The following KATNB1 variants were observed in gnomAD, a reference collection of about 807,000 sequenced individuals.
KATNB1 encodes katanin p80 WD40 repeat-containing subunit B1.
In KATNB1, 38 loss-of-function variants were observed where a neutral mutation model predicts 82.3. The ratio of observed to expected loss-of-function variants is 0.46; its 90% CI spans 0.36 to 0.61. The LOEUF is 0.61. Among genes scored for constraint, KATNB1 ranks in the 20% least tolerant of loss-of-function variants. The pLI, the probability that KATNB1 is intolerant of heterozygous loss-of-function variation, is 0.00. For missense variants in KATNB1, 749 were observed against 915.7 expected (o/e 0.82, Z 2.35); for synonymous variants, 361 against 368.7 (o/e 0.98, Z 0.24).
At chr16:57,755,021 T>C (rs1555585156) in intron 14 of KATNB1, 24 bp downstream of exon 14, 2 of 1,613,812 alleles carry the variant, frequency 1.2e-6, no homozygotes, top group Non-Finnish European at 8.5e-7. Flanking sequence ...GGGAGCATGG[T>C]GTGGGGCCTA....
At chr16:57,756,259 T>C in intron 18 of KATNB1, 97 bp from the exon 19 acceptor site, 1 of 1,193,930 alleles carries the variant, frequency 8.4e-7, no homozygotes, top group Non-Finnish European at 1.2e-6. Flanking sequence ...GGTGTGTCTG[T>C]GTCTGTTTCT....
chr16:57,752,030 C>T lies in KATNB1; in HGVS notation c.607C>T (p.Leu203Phe), dbSNP rs2049232730. 6.2e-7 allele frequency: 1 copy of T among 1,612,452 alleles called. No homozygotes were observed. Among genetic ancestry groups the T allele is most frequent in the South Asian group, 1.1e-5 (1 of 91,026 alleles). Reference sequence around the variant, plus strand: ...GGTCGAGTTTCACCCCAACGAGTACCTCCTGGCCTCCGGCAGCTCTGACAG... The same window carrying T: ...GGTCGAGTTTCACCCCAACGAGTACTTCCTGGCCTCCGGCAGCTCTGACAG... ...NVVEFHPNEY[L>F]LASGSSDRTI... Residue 203 changes from leucine to phenylalanine, a missense_variant, in exon 8 of 20, where the codon CTC becomes TTC. Physicochemically the swap from Leu to Phe is conservative, Grantham distance 22. This residue lies in a region of KATNB1 where 247 missense variants were observed against 349.4 expected (regional missense o/e 0.71). Coordinates refer to ENST00000379661, the MANE Select transcript of KATNB1 (RefSeq NM_005886.3).
intron 4 of KATNB1, among the ~76,000 whole-genome samples, chr16:57,744,745 A>C (rs897862012): frequency 3.4e-5 from 5 of 146,980 alleles, no homozygotes; most frequent in Admixed American, 2.7e-4. Flanking sequence ...GTTTGGATGT[A>C]TGTGTGTTTG....
At chr16:57,750,576 A>G (rs1374274257) in intron 4 of KATNB1, among the ~76,000 whole-genome samples, 1 of 152,230 alleles carries the variant, frequency 6.6e-6, no homozygotes, top group Non-Finnish European at 1.5e-5. Context: ...CAGTGAGCCG[A>G]GATCACGCCA....
Position 57,751,236 on chromosome 16 carries a change from C to T in KATNB1, c.391-25C>T. 1 of 1,612,628 alleles carries T rather than the reference C, an allele frequency of 6.2e-7. No homozygotes were observed. The highest frequency in any genetic ancestry group is 8.5e-7 in the Non-Finnish European group (1 of 1,178,720). ...TGGCTCTGACCTCTCCTGACTCTGC[C>T]CCTCTGCTTCTCTCTCCCCCACAGC... On this transcript the variant is annotated intron_variant, in intron 5 of 19. Coordinates refer to ENST00000379661, the MANE Select transcript of KATNB1 (RefSeq NM_005886.3). This position sits in a 1 kb window ranked among gnomAD's most constrained non-coding sequence, Gnocchi z 6.3.
intron 4 of KATNB1, among the ~76,000 whole-genome samples, chr16:57,749,058 G>T (rs191980684): frequency 6.6e-6 from 1 of 152,348 alleles, no homozygotes; most frequent in East Asian, 1.9e-4. Flanking sequence ...GCATTCGACA[G>T]ACTCCAGAGG....
intron 2 of KATNB1, among the ~76,000 whole-genome samples, chr16:57,740,534 T>C (rs535608450): frequency 6.6e-6 from 1 of 152,376 alleles, no homozygotes; most frequent in South Asian, 2.1e-4. Flanking sequence ...TCACCCACGC[T>C]GGCCTTCCGG....
intron 12 of KATNB1, 130 bp downstream of exon 12, chr16:57,753,649 T>G (rs1363351994): frequency 7.9e-7 from 1 of 1,262,854 alleles, no homozygotes; most frequent in African/African-American, 1.5e-5. Flanking sequence ...GGGCTCCGTA[T>G]CCTGTCCTCA....
chr16:57,752,669 T>G (rs149975030), intron 9 of KATNB1, 68 bp downstream of exon 9: 134 of 1,545,434 alleles, frequency 8.7e-5, no homozygotes, highest in Middle Eastern at 1.7e-4. Context: ...TGGGTGGGCC[T>G]TTCCCATCTC....
rs1555584266 is a variant in KATNB1, at chr16:57,753,265, G to T, written c.1044G>T (p.Gln348His). 6.3e-7 allele frequency: 1 copy of T among 1,596,436 alleles called. No individual in the cohort carries two copies. The highest frequency in any genetic ancestry group is 8.5e-7 in the Non-Finnish European group (1 of 1,169,612). Residue 348 changes from glutamine to histidine, a missense_variant and splice_region_variant, in exon 11 of 20, where the codon CAG becomes CAT. Physicochemically the swap from Gln to His is conservative, Grantham distance 24. Around this residue, in one of 3 missense-constraint regions of KATNB1, gnomAD observed 407 missense variants for 434.7 expected, o/e 0.94. Coordinates refer to ENST00000379661, the MANE Select transcript of KATNB1 (RefSeq NM_005886.3). ...CCAGCACAACCTGCAGCAAGCCTCAGAGGTGAGGGCCTGGGGGGCCTTCGG... is the reference window on the plus strand; with the variant it reads ...CCAGCACAACCTGCAGCAAGCCTCATAGGTGAGGGCCTGGGGGGCCTTCGG... The part of the protein sequence containing the change: ...ERPSTTCSKP[Q>H]RVKQNSESER...
chr16:57,751,742 C>G lies in KATNB1; in HGVS notation c.516+18C>G. The G allele has an allele frequency of 6.2e-7, 1 of 1,606,720 alleles. No homozygotes were observed. The highest frequency in any genetic ancestry group is 1.1e-5 in the South Asian group (1 of 91,032). On this transcript the variant is annotated intron_variant, in intron 7 of 19. Coordinates refer to ENST00000379661, the MANE Select transcript of KATNB1 (RefSeq NM_005886.3). The surrounding 1 kb of genome is among the most constrained non-coding windows in gnomAD (Gnocchi z 6.3). ...CCGTGAAGGTAGCTCCCGGCCTGAC[C>G]TGGGCCCAGGGGCTGGGGGCTGGGG...
chr16:57,753,847 T>C, intron 12 of KATNB1, 98 bp from the exon 13 acceptor site: 1 of 1,157,328 alleles, frequency 8.6e-7, no homozygotes, highest in South Asian at 1.4e-5. Flanking sequence ...GCCGCATGCC[T>C]GGGAGCTACC....
At chr16:57,755,287 G>A in intron 15 of KATNB1, 49 bp downstream of exon 15, 2 of 1,610,624 alleles carry the variant, frequency 1.2e-6, no homozygotes, top group African/African-American at 1.3e-5. Context: ...GTGGGTGGAG[G>A]GCAGAGCTTT....
Position 57,753,251 on chromosome 16 carries a change from T to C in KATNB1, c.1030T>C (p.Cys344Arg). 1 of 1,600,706 alleles carries C rather than the reference T, an allele frequency of 6.2e-7. No individual in the cohort carries two copies. The change falls in exon 11 of 20, where the codon TGC (cysteine) becomes CGC (arginine). Residue 344 changes from cysteine (C) to arginine (R), a missense_variant. Coordinates refer to ENST00000379661, the MANE Select transcript of KATNB1 (RefSeq NM_005886.3). ...CATCTATGAGCGGCCCAGCACAACC[T>C]GCAGCAAGCCTCAGAGGTGAGGGCC... ...RRIYERPSTT[C>R]SKPQRVKQNS...
intron 4 of KATNB1, among the ~76,000 whole-genome samples, chr16:57,746,684 G>C (rs1337922385): frequency 6.6e-6 from 1 of 151,358 alleles, no homozygotes; most frequent in African/African-American, 2.4e-5. Flanking sequence ...AGAGAGGCTG[G>C]AAATCTGGAA....
chr16:57,756,671 T>C (rs1278474068), intron 19 of KATNB1, 143 bp from the exon 20 acceptor site: 4 of 1,357,212 alleles, frequency 2.9e-6, no homozygotes, highest in Non-Finnish European at 3.9e-6. Flanking sequence ...CCACAATCCC[T>C]GGCAGGGCCT....
intron 8 of KATNB1, 95 bp from the exon 9 acceptor site, chr16:57,752,435 G>A: frequency 2.6e-6 from 3 of 1,156,026 alleles, no homozygotes; most frequent in Non-Finnish European, 3.8e-6. Context: ...CCCTGCCCTG[G>A]GGGAGAGGTT....
At chr16:57,738,590 T>G (rs1383677035) in intron 2 of KATNB1, among the ~76,000 whole-genome samples, 1 of 151,692 alleles carries the variant, frequency 6.6e-6, no homozygotes, top group African/African-American at 2.4e-5. Context: ...AATTTAACCA[T>G]AAGACTCTGG....
chr16:57,755,399 A>T lies in KATNB1; in HGVS notation c.1471A>T (p.Ile491Phe), dbSNP rs1555585574. The T allele has an allele frequency of 6.2e-7, 1 of 1,613,296 alleles. No homozygotes were observed. Among genetic ancestry groups the T allele is most frequent in the South Asian group, 1.1e-5 (1 of 91,088 alleles). ...ELVDEDAMSQ[I>F]RKGHDTMCVV... ...GGTGGACGAGGATGCCATGTCACAG[A>T]TCCGCAAAGGCCACGACACCATGTG... The change falls in exon 16 of 20, where the codon ATC becomes TTC. Residue 491 changes from isoleucine (I) to phenylalanine (F), a missense_variant. By Grantham distance (21) the Ile-to-Phe change is conservative. Around this residue, in one of 3 missense-constraint regions of KATNB1, gnomAD observed 407 missense variants for 434.7 expected, o/e 0.94. Transcript: ENST00000379661.
Sources: allele counts gnomAD v4.1 joint callset (sites outside exome capture counted in the v4.1 genomes callset), GRCh38; gene constraint gnomAD v4.1.1; regional missense constraint gnomAD v4.1.1; non-coding constraint Gnocchi (gnomAD v3.1); transcripts MANE v1.5; gene names NCBI Gene and HGNC (gene_info 2026-07-23, HGNC 2026-07-21).